Variants in KCNQ3 observed in about 807,000 individuals in gnomAD.
The protein encoded by KCNQ3 is potassium voltage-gated channel subfamily KQT member 3.
KCNQ3 carries 30 observed loss-of-function variants against 92.5 expected under a neutral mutation model. That is an observed-to-expected ratio of 0.32 (90% CI 0.24 to 0.44). The LOEUF (loss-of-function observed/expected upper bound fraction) is 0.44. Among genes scored for constraint, KCNQ3 ranks in the 20% least tolerant of loss-of-function variants. The probability of loss-of-function intolerance (pLI) is 1.00; values close to 1 mark genes in which losing one functional copy is unlikely to be tolerated. For missense variants in KCNQ3, 913 were observed against 1,140.3 expected (o/e 0.80, Z 2.87); for synonymous variants, 450 against 468.8 (o/e 0.96, Z 0.52).
At chr8:132,470,638 A>T (rs1055560303) in intron 1 of KCNQ3, among the ~76,000 whole-genome samples, 2 of 152,238 alleles carry the variant, frequency 1.3e-5, no homozygotes, top group African/African-American at 4.8e-5. Flanking sequence ...ATTTTGATAC[A>T]ATAATGTTAT....
rs184461374 is a variant in KCNQ3 at position 132,195,381 on chromosome 8, C to T, written c.387-9200G>A. 2.1e-3 allele frequency among the ~76,000 whole-genome samples: 317 copies of T among 152,280 alleles called. 1 individual carries two copies. The highest frequency in any genetic ancestry group is 2.0e-3 in the Non-Finnish European group (135 of 68,024). ...ATAAACACCCTGTGTTGTGAGGCTGCGTTTCAGGGTCAGCAACTTGACGCA... is the reference window on the plus strand; with the variant it reads ...ATAAACACCCTGTGTTGTGAGGCTGTGTTTCAGGGTCAGCAACTTGACGCA... On this transcript the variant is annotated intron_variant, in intron 1 of 14. Coordinates refer to ENST00000388996, the MANE Select transcript of KCNQ3 (RefSeq NM_004519.4).
intron 1 of KCNQ3, among the ~76,000 whole-genome samples, chr8:132,238,074 T>C (rs1814873177): frequency 6.6e-6 from 1 of 152,146 alleles, no homozygotes; most frequent in African/African-American, 2.4e-5. Context: ...AGAAGTCTCT[T>C]GGGTAACCAC....
intron 1 of KCNQ3, among the ~76,000 whole-genome samples, chr8:132,357,181 G>A (rs1415621935): frequency 1.3e-5 from 2 of 152,168 alleles, no homozygotes; most frequent in African/African-American, 4.8e-5. Context: ...AGATTCATTT[G>A]ACATAAAACA....
intron 1 of KCNQ3, among the ~76,000 whole-genome samples, chr8:132,461,932 A>G (rs1006678897): frequency 1.8e-4 from 27 of 152,136 alleles, no homozygotes; most frequent in African/African-American, 4.8e-4. Context: ...TCTTTATCAG[A>G]TAGGTGTGTG....
At chr8:132,454,369 C>T (rs1170300798) in intron 1 of KCNQ3, among the ~76,000 whole-genome samples, 3 of 152,158 alleles carry the variant, frequency 2.0e-5, no homozygotes, top group South Asian at 2.1e-4. Flanking sequence ...ACAGTGTGCC[C>T]GGAGTGTTAT....
At chr8:132,205,975 G>A (rs1033597986) in intron 1 of KCNQ3, among the ~76,000 whole-genome samples, 1 of 152,172 alleles carries the variant, frequency 6.6e-6, no homozygotes, top group African/African-American at 2.4e-5. Flanking sequence ...GGTATGTGAA[G>A]GTGGAAGGTG....
chr8:132,276,771 T>A (rs1444627257), intron 1 of KCNQ3, among the ~76,000 whole-genome samples: 1 of 151,952 alleles, frequency 6.6e-6, no homozygotes, highest in Non-Finnish European at 1.5e-5. Flanking sequence ...AGCAACTGAG[T>A]CTCCACCCCA....
chr8:132,130,048 G>T, intron 14 of KCNQ3, 52 bp from the exon 15 acceptor site: 1 of 1,563,854 alleles, frequency 6.4e-7, no homozygotes, highest in Non-Finnish European at 8.7e-7. Flanking sequence ...GGTGGGGATC[G>T]TTGCTATTGG....
chr8:132,239,000 C>T (rs1010817381), intron 1 of KCNQ3, among the ~76,000 whole-genome samples: 1 of 152,222 alleles, frequency 6.6e-6, no homozygotes, highest in Non-Finnish European at 1.5e-5. Context: ...TCATGAAATA[C>T]TTTATGGGCT....
intron 1 of KCNQ3, among the ~76,000 whole-genome samples, chr8:132,295,108 G>A (rs1245749932): frequency 6.6e-6 from 1 of 152,178 alleles, no homozygotes; most frequent in African/African-American, 2.4e-5. Flanking sequence ...ACAGCCTACT[G>A]TATAGGAGAC....
chr8:132,269,254 CT>C (rs1297718785), intron 1 of KCNQ3, among the ~76,000 whole-genome samples: 1 of 152,068 alleles, frequency 6.6e-6, no homozygotes, highest in African/African-American at 2.4e-5. Context: ...TGGGTAATGC[CT>C]TTGGTGTTGC....
chr8:132,462,314 C>T (rs1822080632), intron 1 of KCNQ3, among the ~76,000 whole-genome samples: 1 of 152,002 alleles, frequency 6.6e-6, no homozygotes, highest in African/African-American at 2.4e-5. Context: ...CTCAGCCACT[C>T]GAGTAGCTGG....
intron 1 of KCNQ3, among the ~76,000 whole-genome samples, chr8:132,454,652 C>A (rs1244792577): frequency 1.3e-5 from 2 of 152,054 alleles, no homozygotes; most frequent in Non-Finnish European, 2.9e-5. Flanking sequence ...CCCCGACTGA[C>A]CACCATGGAG....
rs539822983 is a variant in KCNQ3 at position 132,185,391 on chromosome 8, G to C, written c.477+700C>G. Among the ~76,000 whole-genome samples, 10 of 152,372 alleles carry C rather than the reference G, an allele frequency of 6.6e-5. No homozygotes were observed. The South Asian group carries it at 2.1e-3, about 32-fold the overall frequency. ...AAGGGTGTGGTCATTCAAGGGGCCAGTTGACCAGTGCTGTCCTGTGGCTAC... is the reference window on the plus strand; with the variant it reads ...AAGGGTGTGGTCATTCAAGGGGCCACTTGACCAGTGCTGTCCTGTGGCTAC... On this transcript the variant is annotated intron_variant, in intron 2 of 14. Transcript: ENST00000388996.
At chr8:132,390,724 G>T (rs1054859704) in intron 1 of KCNQ3, among the ~76,000 whole-genome samples, 2 of 152,154 alleles carry the variant, frequency 1.3e-5, no homozygotes, top group Non-Finnish European at 2.9e-5. Context: ...GTACTGACCT[G>T]ATGAGGTTCT....
intron 1 of KCNQ3, among the ~76,000 whole-genome samples, chr8:132,227,058 C>CTTTTTTTTTTTTTT (rs1563813401): frequency 1.1e-5 from 1 of 88,662 alleles, no homozygotes; most frequent in Non-Finnish European, 2.3e-5. Context: ...ACATATCTCA[C>CTTTTTTTTTTTTTT]TCTTTTTTTT....
chr8:132,374,248 C>T (rs148673387), intron 1 of KCNQ3, among the ~76,000 whole-genome samples: 343 of 152,250 alleles, frequency 2.3e-3, no homozygotes, highest in African/African-American at 8.0e-3. Context: ...AATGCAAAAC[C>T]TACCAGCCCC....
At chr8:132,403,329 C>T (rs1345444637) in intron 1 of KCNQ3, among the ~76,000 whole-genome samples, 1 of 152,124 alleles carries the variant, frequency 6.6e-6, no homozygotes, top group East Asian at 1.9e-4. Context: ...CTGCTCTGGG[C>T]CATCCCCAGC....
At chr8:132,366,448 A>G (rs539254644) in intron 1 of KCNQ3, among the ~76,000 whole-genome samples, 2 of 152,226 alleles carry the variant, frequency 1.3e-5, no homozygotes, top group East Asian at 3.9e-4. Flanking sequence ...TTTCTCTTGC[A>G]TAATAACATT....
Sources: allele counts gnomAD v4.1 joint callset (sites outside exome capture counted in the v4.1 genomes callset), GRCh38; gene constraint gnomAD v4.1.1; transcripts MANE v1.5; gene names NCBI Gene and HGNC (gene_info 2026-07-23, HGNC 2026-07-21).